Variants in TASP1 observed in about 807,000 individuals in gnomAD.
TASP1 encodes the protein threonine aspartase 1.
Under a neutral mutation model 56.6 loss-of-function variants are expected in TASP1, and 16 were observed. The ratio of observed to expected loss-of-function variants is 0.28; its 90% CI spans 0.19 to 0.43. The LOEUF is 0.43. TASP1 is among the 20% of genes least tolerant of loss of function. TASP1 has a pLI of 1.00. For missense variants in TASP1, 393 were observed against 511.6 expected, an observed-to-expected ratio of 0.77 and a Z score of 2.24; for synonymous variants, 179 against 184.2, an observed-to-expected ratio of 0.97 and a Z score of 0.23.
chr20:13,602,088 C>T (rs1044156099), intron 4 of TASP1, among the ~76,000 whole-genome samples: 13 of 151,656 alleles, frequency 8.6e-5, no homozygotes, highest in Admixed American at 4.0e-4. Context: ...ACTGTGTTAG[C>T]CAGGATGGTC....
the TASP1 span, among the ~76,000 whole-genome samples, chr20:13,130,477 G>A: frequency 2.6e-5 from 4 of 152,218 alleles, no homozygotes; most frequent in Admixed American, 6.5e-5. Context: ...AAAGCCATAC[G>A]CTTCAAAGAA....
chr20:13,412,006 C>G (rs976899768), intron 13 of TASP1, among the ~76,000 whole-genome samples: 7 of 152,168 alleles, frequency 4.6e-5, no homozygotes, highest in Non-Finnish European at 1.0e-4. Context: ...ACTATGCTTC[C>G]GAGTTGTCTT....
At chr20:13,406,668 C>CTTTT (rs149352395) in intron 13 of TASP1, among the ~76,000 whole-genome samples, 1 of 117,688 alleles carries the variant, frequency 8.5e-6, no homozygotes, top group Non-Finnish European at 1.8e-5. Context: ...AGGGTTTTTT[C>CTTTT]TTTTTTTTTT....
intron 10 of TASP1, among the ~76,000 whole-genome samples, chr20:13,497,757 A>G (rs1187428438): frequency 1.3e-5 from 2 of 152,210 alleles, no homozygotes; most frequent in Admixed American, 1.3e-4. Context: ...TACAATAACC[A>G]AAACAGTATG....
the TASP1 span, among the ~76,000 whole-genome samples, chr20:13,119,067 G>C: frequency 1.3e-5 from 2 of 152,206 alleles, no homozygotes. Context: ...CTGGTGAAAG[G>C]TTAAATGTTC....
the TASP1 span, among the ~76,000 whole-genome samples, chr20:13,356,684 A>C: frequency 6.6e-6 from 1 of 152,190 alleles, no homozygotes; most frequent in Non-Finnish European, 1.5e-5. Context: ...TTCAGGCCCA[A>C]GCTATTAAAT....
chr20:13,161,400 G>A, the TASP1 span, among the ~76,000 whole-genome samples: 6 of 152,286 alleles, frequency 3.9e-5, no homozygotes, highest in East Asian at 1.2e-3. Flanking sequence ...AGCTGGAACT[G>A]CTATAGTTTA....
chr20:13,390,458 G>C lies in TASP1; in HGVS notation c.1171-6C>G. 6.5e-7 allele frequency: 1 copy of C among 1,543,380 alleles called. No homozygotes were observed. The highest frequency in any genetic ancestry group is 1.1e-5 in the South Asian group (1 of 87,950). On this transcript the variant is annotated splice_polypyrimidine_tract_variant and splice_region_variant and intron_variant, in intron 13 of 13. Transcript: ENST00000337743. ...GGAAGTCTTGAAATGTGAGTCTGCA[G>C]AGAGAGAGAGACAGCAGAGCATCAG...
chr20:13,532,942 C>A (rs1300014510), intron 9 of TASP1, among the ~76,000 whole-genome samples: 1 of 152,182 alleles, frequency 6.6e-6, no homozygotes, highest in Non-Finnish European at 1.5e-5. Flanking sequence ...AAGCATTGTA[C>A]ATACGTTGAG....
At chr20:13,289,407 C>T in the TASP1 span, among the ~76,000 whole-genome samples, 2 of 152,146 alleles carry the variant, frequency 1.3e-5, no homozygotes, top group African/African-American at 2.4e-5. Flanking sequence ...CAACCTGGGG[C>T]GTCTTGGTAG....
the TASP1 span, among the ~76,000 whole-genome samples, chr20:13,138,399 T>G: frequency 6.6e-6 from 1 of 152,208 alleles, no homozygotes; most frequent in Non-Finnish European, 1.5e-5. Flanking sequence ...TTCTAAGCCC[T>G]ATCTTGATGG....
the TASP1 span, among the ~76,000 whole-genome samples, chr20:13,131,332 G>C: frequency 6.6e-6 from 1 of 152,160 alleles, no homozygotes; most frequent in Non-Finnish European, 1.5e-5. Context: ...GTGCTCTGCA[G>C]TGGTGCCCGG....
In TASP1 at chr20:13,421,364, C is replaced by A. The variant is rs76931068; in HGVS notation, c.1097-3843G>T. ...TGCTGGGATTACAGGAATGGGCCAC[C>A]GCACCTGGCCTGTTTAGAGTGTTTG... On this transcript the variant is annotated intron_variant, in intron 12 of 13. Transcript: ENST00000337743. Among the ~76,000 whole-genome samples the A allele has an allele frequency of 6.9e-3, 1,039 of 150,298 alleles. 17 individuals are homozygous for A. Among genetic ancestry groups the A allele is most frequent in the African/African-American group, 0.024 (995 of 41,212 alleles).
chr20:13,592,960 G>A (rs1306489598), intron 4 of TASP1, among the ~76,000 whole-genome samples: 1 of 152,008 alleles, frequency 6.6e-6, no homozygotes. Flanking sequence ...ATACATTATA[G>A]CCAAGTGAAA....
At chr20:13,346,645 G>C in the TASP1 span, among the ~76,000 whole-genome samples, 10 of 152,226 alleles carry the variant, frequency 6.6e-5, no homozygotes, top group Non-Finnish European at 8.8e-5. Context: ...CAAGGTTGTC[G>C]AGGACAGCAA....
At chr20:13,577,155 AAGG>A (rs1367164110) in intron 6 of TASP1, among the ~76,000 whole-genome samples, 1 of 152,152 alleles carries the variant, frequency 6.6e-6, no homozygotes, top group Non-Finnish European at 1.5e-5. Context: ...TAGAAGGAAC[AAGG>A]AGTACATGTT....
chr20:13,115,507 C>CA, the TASP1 span, among the ~76,000 whole-genome samples: 4,952 of 152,076 alleles, frequency 0.033, 223 homozygotes, highest in African/African-American at 0.1. Context: ...AGTTCCAGAA[C>CA]AAAAAAATGG....
At chr20:13,216,957 T>C in the TASP1 span, among the ~76,000 whole-genome samples, 1 of 152,178 alleles carries the variant, frequency 6.6e-6, no homozygotes, top group East Asian at 1.9e-4. Flanking sequence ...CATAGGATAC[T>C]GAGAAATGAA....
In TASP1 at chr20:13,580,992, A is replaced by T; in HGVS notation, c.404-11T>A. 6.2e-7 allele frequency: 1 copy of T among 1,602,728 alleles called. No individual in the cohort carries two copies. On this transcript the variant is annotated splice_polypyrimidine_tract_variant and intron_variant, in intron 5 of 13. Coordinates refer to ENST00000337743, the MANE Select transcript of TASP1 (RefSeq NM_017714.3). Reference sequence around the variant, plus strand: ...CTGGGTTCTTGATTCCTATAAAAAAAAAAAAAAAATTGGCAAAAAAGATGT... The same window carrying T: ...CTGGGTTCTTGATTCCTATAAAAAATAAAAAAAAATTGGCAAAAAAGATGT...
Sources: gnomAD v4.1 joint callset for allele counts (sites outside exome capture counted in the v4.1 genomes callset) on GRCh38, gnomAD v4.1.1 for gene constraint, MANE v1.5 for transcripts, NCBI Gene and HGNC (gene_info 2026-07-23, HGNC 2026-07-21) for gene names.